The following EEF1AKMT3 variants were observed in gnomAD, a reference collection of about 807,000 sequenced individuals.
EEF1AKMT3 encodes eEF1A-KMT3.
EEF1AKMT3 carries 17 observed loss-of-function variants against 17.8 expected under a neutral mutation model. The ratio of observed to expected loss-of-function variants is 0.96; its 90% CI spans 0.65 to 1.43. The LOEUF (loss-of-function observed/expected upper bound fraction) is 1.43. Among genes scored for constraint, EEF1AKMT3 ranks in the 40% most tolerant of loss-of-function variants. EEF1AKMT3 has a pLI of 0.00. For missense variants in EEF1AKMT3, 244 were observed against 285.8 expected (o/e 0.85, Z 1.06); for synonymous variants, 116 against 126.5 (o/e 0.92, Z 0.56).
In EEF1AKMT3 at chr12:57,780,819, G is replaced by C. The variant is rs1237390531; in HGVS notation, c.*173G>C. On this transcript the variant is annotated 3_prime_UTR_variant, in exon 3 of 3. Transcript: ENST00000300209. ...CCAGATACTCTTGGGCAGGTGCAGT[G>C]AGGTGCCTGCTTACAAGGAATCCCA... The C allele has an allele frequency of 3.7e-6, 3 of 821,636 alleles. No individual in the cohort carries two copies. Among genetic ancestry groups the C allele is most frequent in the African/African-American group, 1.7e-5 (1 of 57,868 alleles). 50.9% of individuals were successfully genotyped at this position (821,636 alleles called of 1,614,324 possible). A position where few individuals can be genotyped will look rare whatever the true frequency, so the allele number is the denominator to read the frequency against.
At chr12:57,779,472 T>C (rs1389790880) in intron 2 of EEF1AKMT3, among the ~76,000 whole-genome samples, 1 of 152,174 alleles carries the variant, frequency 6.6e-6, no homozygotes. Flanking sequence ...TTCCTAGTAC[T>C]TCTTGCTTCT....
chr12:57,773,701 G>A (rs182096983), intron 2 of EEF1AKMT3, among the ~76,000 whole-genome samples: 3 of 152,290 alleles, frequency 2.0e-5, no homozygotes, highest in East Asian at 3.9e-4. Context: ...GATTACAGGC[G>A]TGAGCCACGA....
intron 2 of EEF1AKMT3, 125 bp downstream of exon 2, chr12:57,773,253 ATT>A: frequency 1.2e-6 from 1 of 865,024 alleles, no homozygotes; most frequent in Non-Finnish European, 1.8e-6. Context: ...TTTTTAACAA[ATT>A]TTTTTTTAAA....
rs113092412 is a variant in EEF1AKMT3 at position 57,776,864 on chromosome 12, T to A, written c.290-3391T>A. 2.1e-3 allele frequency among the ~76,000 whole-genome samples: 325 copies of A among 152,294 alleles called. 3 individuals are homozygous for A. Among genetic ancestry groups the A allele is most frequent in the African/African-American group, 7.5e-3 (313 of 41,554 alleles). On this transcript the variant is annotated intron_variant, in intron 2 of 2. Coordinates refer to ENST00000300209, the MANE Select transcript of EEF1AKMT3 (RefSeq NM_015433.3). The stretch of plus-strand genomic sequence containing the variant: ...TGGGGTTTCACCATGTTGGCCAGGC[T>A]GGTCACAAACTCCTGACCTCAGGTG...
At position 57,773,061 on chromosome 12, in the gene EEF1AKMT3, C is replaced by T. The variant is rs1191625221; in HGVS notation, c.222C>T (p.Phe74=). Reference sequence around the variant, plus strand: ...ATTTCGAGAGTCAAAATGTGGATTTCCGAGGCAAGAAGGTGATCGAACTGG... The same window carrying T: ...ATTTCGAGAGTCAAAATGTGGATTTTCGAGGCAAGAAGGTGATCGAACTGG... ...CNYFESQNVD[F]RGKKVIELGA... Residue 74 remains phenylalanine, a synonymous_variant, in exon 2 of 3, where the codon TTC becomes TTT. Transcript: ENST00000300209. The T allele has an allele frequency of 1.2e-6, 2 of 1,614,022 alleles. No homozygotes were observed. The highest frequency in any genetic ancestry group is 2.7e-5 in the African/African-American group (2 of 74,912).
intron 2 of EEF1AKMT3, chr12:57,774,565 T>G: frequency 1.3e-6 from 1 of 755,844 alleles, no homozygotes. Flanking sequence ...GTCCCCTATG[T>G]ACCAAGAATC....
chr12:57,780,204 A>G, intron 2 of EEF1AKMT3, 51 bp from the exon 3 acceptor site: 1 of 1,595,668 alleles, frequency 6.3e-7, no homozygotes, highest in Non-Finnish European at 8.5e-7. Flanking sequence ...GGAGCCAAGA[A>G]CCCTTGGTTG....
intron 2 of EEF1AKMT3, 66 bp from the exon 3 acceptor site, chr12:57,780,189 A>T (rs1263905586): frequency 3.9e-5 from 62 of 1,582,000 alleles, no homozygotes; most frequent in Non-Finnish European, 5.0e-5. Flanking sequence ...TGGACCTTCC[A>T]GGCAGGAGCC....
In EEF1AKMT3 at chr12:57,782,318, C is replaced by A. The variant is rs1374052839; in HGVS notation, c.*1672C>A. ...GCTGTGGTTTACTCCTGTCTAAACC[C>A]CTGAAGCCTAACACAGTTCCTGGCA... On this transcript the variant is annotated 3_prime_UTR_variant, in exon 3 of 3. Coordinates refer to ENST00000300209, the MANE Select transcript of EEF1AKMT3 (RefSeq NM_015433.3). 6.3e-6 allele frequency: 1 copy of A among 157,882 alleles called. No individual in the cohort carries two copies. Among genetic ancestry groups the A allele is most frequent in the Non-Finnish European group, 1.4e-5 (1 of 71,158 alleles). The allele number at this position is 157,882 out of a possible 1,614,324, so 9.8% of individuals were successfully genotyped here. A position where few individuals can be genotyped will look rare whatever the true frequency, so the allele number is the denominator to read the frequency against.
In EEF1AKMT3 at chr12:57,781,695, A is replaced by G. The variant is rs1241838084; in HGVS notation, c.*1049A>G. On this transcript the variant is annotated 3_prime_UTR_variant, in exon 3 of 3. Coordinates refer to ENST00000300209, the MANE Select transcript of EEF1AKMT3 (RefSeq NM_015433.3). ...TAGCTTCATCAGTCCTTCCTTCCTA[A>G]TCTCTAATCCCCTGAAGCCTAACAC... The G allele has an allele frequency of 6.6e-6, 1 of 152,032 alleles. No homozygotes were observed. Among genetic ancestry groups the G allele is most frequent in the Non-Finnish European group, 1.5e-5 (1 of 68,030 alleles). The allele number at this position is 152,032 out of a possible 1,614,324, so 9.4% of individuals were successfully genotyped here. A position where few individuals can be genotyped will look rare whatever the true frequency, so the allele number is the denominator to read the frequency against.
At chr12:57,778,130 GT>G (rs1005329831) in intron 2 of EEF1AKMT3, among the ~76,000 whole-genome samples, 5 of 151,664 alleles carry the variant, frequency 3.3e-5, no homozygotes, top group Non-Finnish European at 5.9e-5. Flanking sequence ...TCTTCATGTG[GT>G]TGTCTGATGT....
At chr12:57,773,348 T>C (rs1429505053) in intron 2 of EEF1AKMT3, among the ~76,000 whole-genome samples, 3 of 152,058 alleles carry the variant, frequency 2.0e-5, no homozygotes, top group East Asian at 1.9e-4. Flanking sequence ...GGGTGGGTGA[T>C]TGGGGAGGGC....
intron 2 of EEF1AKMT3, among the ~76,000 whole-genome samples, chr12:57,778,292 G>GCTTTTTTTTTTTTTTT (rs1955492322): frequency 4.3e-4 from 1 of 2,302 alleles, no homozygotes; most frequent in African/African-American, 1.7e-3. Context: ...ACCATCCTGA[G>GCTTTTTTTTTTTTTTT]CTTTTTTTTT....
chr12:57,781,889 G>T lies in EEF1AKMT3; in HGVS notation c.*1243G>T, dbSNP rs1318743335. 1 of 152,126 alleles carries T rather than the reference G, an allele frequency of 6.6e-6. No individual in the cohort carries two copies. The highest frequency in any genetic ancestry group is 1.5e-5 in the Non-Finnish European group (1 of 68,068). The allele number at this position is 152,126 out of a possible 1,614,324, so 9.4% of individuals were successfully genotyped here. ...AAACTCTTGTGATCTTCCAAAATTA[G>T]CTCTGATTAGCTTTCACTTCCTGTA... On this transcript the variant is annotated 3_prime_UTR_variant, in exon 3 of 3. Coordinates refer to ENST00000300209, the MANE Select transcript of EEF1AKMT3 (RefSeq NM_015433.3).
chr12:57,772,753 C>G lies in EEF1AKMT3; in HGVS notation c.29C>G (p.Ser10Cys). 4 of 1,613,982 alleles carry G rather than the reference C, an allele frequency of 2.5e-6. No individual in the cohort carries two copies. Among genetic ancestry groups the G allele is most frequent in the Non-Finnish European group, 3.4e-6 (4 of 1,179,908 alleles). MADPGPDPESESESVFPREV... is the reference protein window; with the variant it reads MADPGPDPECESESVFPREV... The stretch of plus-strand genomic sequence containing the variant: ...GCGGACCCCGGCCCAGATCCCGAAT[C>G]TGAGTCGGAATCGGTGTTCCCGCGG... Residue 10 changes from serine (S) to cysteine (C), a missense_variant, in exon 1 of 3, where the codon TCT becomes TGT. Ser to Cys is a moderately radical substitution (Grantham distance 112, BLOSUM62 -1). Transcript: ENST00000300209. This position sits in a 1 kb window ranked among gnomAD's most constrained non-coding sequence, Gnocchi z 4.1.
chr12:57,774,336 C>T lies in EEF1AKMT3; in HGVS notation c.289+1208C>T, dbSNP rs112749216. Among the ~76,000 whole-genome samples, 327 of 152,186 alleles carry T rather than the reference C, an allele frequency of 2.1e-3. 2 individuals are homozygous for T. The highest frequency in any genetic ancestry group is 7.5e-3 in the African/African-American group (313 of 41,514). Reference sequence around the variant, plus strand: ...TCTCTACTAAAAATACAAAATTAGCCGAGCATGATGGCTTATGCCTGTAAT... The same window carrying T: ...TCTCTACTAAAAATACAAAATTAGCTGAGCATGATGGCTTATGCCTGTAAT... On this transcript the variant is annotated intron_variant, in intron 2 of 2. Transcript: ENST00000300209.
chr12:57,780,383 T>G lies in EEF1AKMT3; in HGVS notation c.418T>G (p.Phe140Val). The change falls in exon 3 of 3, where the codon TTC becomes GTC. Residue 140 changes from phenylalanine (F) to valine (V), a missense_variant. By Grantham distance (50) the Phe-to-Val change is conservative. Coordinates refer to ENST00000300209, the MANE Select transcript of EEF1AKMT3 (RefSeq NM_015433.3). ...ALSWGIDHHVFPANYDLVLGA... is the reference protein window; with the variant it reads ...ALSWGIDHHVVPANYDLVLGA... ...GTCCTGGGGGATTGACCATCATGTC[T>G]TCCCTGCAAACTATGACCTGGTGCT... is the stretch of plus-strand genomic sequence containing the variant. 6.2e-7 allele frequency: 1 copy of G among 1,614,216 alleles called. No homozygotes were observed. Among genetic ancestry groups the G allele is most frequent in the South Asian group, 1.1e-5 (1 of 91,090 alleles).
chr12:57,782,350 A>C lies in EEF1AKMT3; in HGVS notation c.*1704A>C, dbSNP rs1955522130. ...CCTAACACAGTTCCTGGCACACAAC[A>C]GGTGTTCAACAGATATTGTGCTCAT... On this transcript the variant is annotated 3_prime_UTR_variant, in exon 3 of 3. Coordinates refer to ENST00000300209, the MANE Select transcript of EEF1AKMT3 (RefSeq NM_015433.3). The C allele has an allele frequency of 5.9e-6, 1 of 168,398 alleles. No homozygotes were observed. Among genetic ancestry groups the C allele is most frequent in the Non-Finnish European group, 1.3e-5 (1 of 77,022 alleles). The allele number at this position is 168,398 out of a possible 1,614,324, so 10.4% of individuals were successfully genotyped here.
intron 2 of EEF1AKMT3, among the ~76,000 whole-genome samples, chr12:57,775,606 T>G (rs1313695788): frequency 6.6e-6 from 1 of 152,220 alleles, no homozygotes; most frequent in Non-Finnish European, 1.5e-5. Context: ...GGTCGTGAAC[T>G]CCTGGCCTCA....
Sources: gnomAD v4.1 joint callset for allele counts (sites outside exome capture counted in the v4.1 genomes callset) on GRCh38, gnomAD v4.1.1 for gene constraint, Gnocchi (gnomAD v3.1) non-coding constraint, MANE v1.5 for transcripts, NCBI Gene and HGNC (gene_info 2026-07-23, HGNC 2026-07-21) for gene names.